PRTG: variants seen among roughly 807,000 people sequenced by gnomAD.
PRTG encodes protogenin, also known as immunoglobulin superfamily, DCC subclass, member 5.
A neutral mutation model predicts 122.5 loss-of-function variants in PRTG; 67 were observed. That is an observed-to-expected ratio of 0.55 (90% confidence interval 0.45 to 0.67). The LOEUF (loss-of-function observed/expected upper bound fraction) is 0.67, where lower values mean the gene tolerates loss of function less well. Among genes scored for constraint, PRTG ranks in the 30% least tolerant of loss-of-function variants. The pLI is 0.00. For missense variants in PRTG, 1,435 were observed against 1,415.4 expected (o/e 1.01, Z -0.22); for synonymous variants, 554 against 501.1 (o/e 1.11, Z -1.41).
chr15:55,697,006 C>CAT (rs773408030), intron 2 of PRTG, among the ~76,000 whole-genome samples: 10 of 152,182 alleles, frequency 6.6e-5, no homozygotes, highest in Non-Finnish European at 1.0e-4. Flanking sequence ...ATAGTGCATT[C>CAT]ATATTTTAAA....
chr15:55,673,422 C>CT lies in PRTG; in HGVS notation c.1800dup (p.Glu601ArgfsTer9). The CT allele has an allele frequency of 6.2e-7, 1 of 1,614,156 alleles. No homozygotes were observed. Among genetic ancestry groups the CT allele is most frequent in the East Asian group, 2.2e-5 (1 of 44,882 alleles). On this transcript the variant is annotated frameshift_variant, in exon 10 of 20. Coordinates refer to ENST00000389286, the MANE Select transcript of PRTG (RefSeq NM_173814.6). LOFTEE classifies it high-confidence loss of function. ...CTATGTGAAGTCCATACTGATGACT[C>CT]TCCCAGCCCCACTCTGGTGGCAGCA...
chr15:55,700,841 T>C (rs187040821), intron 2 of PRTG, among the ~76,000 whole-genome samples: 8 of 152,220 alleles, frequency 5.3e-5, no homozygotes, highest in Admixed American at 5.2e-4. Flanking sequence ...AAGAACAGAC[T>C]CTCCCACAGA....
At chr15:55,712,595 G>A (rs575338208) in intron 2 of PRTG, among the ~76,000 whole-genome samples, 5 of 152,072 alleles carry the variant, frequency 3.3e-5, no homozygotes, top group African/African-American at 1.2e-4. Context: ...TTAACCATGT[G>A]GTAATCTGAT....
chr15:55,663,428 A>G (rs2059420499), intron 11 of PRTG, among the ~76,000 whole-genome samples: 1 of 152,200 alleles, frequency 6.6e-6, no homozygotes, highest in Non-Finnish European at 1.5e-5. Context: ...ACAACCAGAA[A>G]AAGAACAATT....
chr15:55,640,495 G>A (rs1040744594), intron 12 of PRTG, among the ~76,000 whole-genome samples: 4 of 152,148 alleles, frequency 2.6e-5, no homozygotes, highest in Admixed American at 1.3e-4. Flanking sequence ...AAAACCAGTG[G>A]GGGACTTAAG....
intron 11 of PRTG, among the ~76,000 whole-genome samples, chr15:55,658,051 T>A (rs990170936): frequency 6.6e-6 from 1 of 152,222 alleles, no homozygotes; most frequent in African/African-American, 2.4e-5. Flanking sequence ...AACCTGCTTT[T>A]AAAATTTAAT....
At chr15:55,625,692 C>T (rs1328537207) in intron 17 of PRTG, among the ~76,000 whole-genome samples, 3 of 133,578 alleles carry the variant, frequency 2.2e-5, no homozygotes, top group South Asian at 2.2e-4. Flanking sequence ...GGCACGATCT[C>T]GGCTCACTGC....
chr15:55,738,322 C>G (rs1248503490), intron 2 of PRTG: 2 of 541,948 alleles, frequency 3.7e-6, no homozygotes, highest in Non-Finnish European at 6.5e-6. Context: ...ACACCTATCA[C>G]ACACCATTCA....
rs757921274 is a variant in PRTG, at chr15:55,682,844, T to G, written c.543-347A>C. Among the ~76,000 whole-genome samples the G allele has an allele frequency of 2.6e-5, 4 of 152,278 alleles. No individual in the cohort carries two copies. The Middle Eastern group carries it at 0.01, about 388-fold the overall frequency. On this transcript the variant is annotated intron_variant, in intron 3 of 19. Transcript: ENST00000389286. ...TCCCAAAGTGTTGGAATTACAGGTGTGAGCCACCGTGCCGGGCTTAGACTA... is the reference window on the plus strand; with the variant it reads ...TCCCAAAGTGTTGGAATTACAGGTGGGAGCCACCGTGCCGGGCTTAGACTA...
intron 15 of PRTG, among the ~76,000 whole-genome samples, chr15:55,633,780 T>C (rs1447189091): frequency 6.6e-6 from 1 of 152,264 alleles, no homozygotes; most frequent in East Asian, 1.9e-4. Flanking sequence ...TTTACTGATT[T>C]ATTTGTTCTC....
intron 13 of PRTG, 109 bp from the exon 14 acceptor site, chr15:55,638,785 C>A (rs1282007769): frequency 1.1e-6 from 1 of 872,016 alleles, no homozygotes; most frequent in Non-Finnish European, 1.7e-6. Flanking sequence ...TTCATTACCT[C>A]CTTATTTTAT....
intron 11 of PRTG, among the ~76,000 whole-genome samples, chr15:55,670,840 C>A (rs193087076): frequency 2.6e-5 from 4 of 151,424 alleles, no homozygotes; most frequent in Non-Finnish European, 4.4e-5. Flanking sequence ...GCAGAGGTTG[C>A]GGTGAGCTGA....
intron 2 of PRTG, among the ~76,000 whole-genome samples, chr15:55,728,613 A>C (rs1471724227): frequency 5.3e-5 from 8 of 152,324 alleles, no homozygotes; most frequent in African/African-American, 1.9e-4. Flanking sequence ...AACATGATAA[A>C]GGGCATTTAT....
At chr15:55,656,302 G>A (rs769969819) in intron 11 of PRTG, 2 of 451,452 alleles carry the variant, frequency 4.4e-6, no homozygotes, top group South Asian at 3.2e-5. Context: ...GAGCTGTTTT[G>A]TGGAATGTCT....
intron 8 of PRTG, 73 bp from the exon 9 acceptor site, chr15:55,675,756 G>T: frequency 1.2e-6 from 1 of 848,668 alleles, no homozygotes; most frequent in Non-Finnish European, 1.9e-6. Flanking sequence ...TTCCTGCACT[G>T]TGAAACACTG....
chr15:55,722,888 C>T (rs967763765), intron 2 of PRTG, among the ~76,000 whole-genome samples: 32 of 152,116 alleles, frequency 2.1e-4, no homozygotes, highest in Non-Finnish European at 1.6e-4. Context: ...TGTTCCATAG[C>T]AACATAGTTA....
chr15:55,680,002 G>A (rs373057509), intron 6 of PRTG, 52 bp downstream of exon 6: 436 of 1,456,814 alleles, frequency 3.0e-4, no homozygotes, highest in Admixed American at 4.9e-4. Flanking sequence ...GAGATAAAAC[G>A]GCAAATGTTA....
chr15:55,669,643 G>A (rs1246343342), intron 11 of PRTG, among the ~76,000 whole-genome samples: 2 of 152,160 alleles, frequency 1.3e-5, no homozygotes, highest in Non-Finnish European at 2.9e-5. Flanking sequence ...AGACCATAGG[G>A]GTCTCAAGAT....
At chr15:55,660,891 C>T (rs926815443) in intron 11 of PRTG, among the ~76,000 whole-genome samples, 3 of 152,116 alleles carry the variant, frequency 2.0e-5, no homozygotes, top group South Asian at 4.1e-4. Context: ...ATCTGAGTAT[C>T]GTTATGTAAT....
Sources: gnomAD v4.1 joint callset for allele counts (sites outside exome capture counted in the v4.1 genomes callset) on GRCh38, gnomAD v4.1.1 for gene constraint, MANE v1.5 for transcripts, NCBI Gene and HGNC (gene_info 2026-07-23, HGNC 2026-07-21) for gene names.